Variants in DNAH8 observed in about 807,000 individuals in gnomAD.
DNAH8 encodes the protein axonemal beta dynein heavy chain 8.
In DNAH8, 382 loss-of-function variants were observed where a neutral mutation model predicts 562.1. The observed-to-expected ratio is 0.68, with a 90% CI of 0.63 to 0.74. The LOEUF (loss-of-function observed/expected upper bound fraction) is 0.74. DNAH8 is among the 30% of genes least tolerant of loss of function. DNAH8 has a pLI of 0.00. For synonymous variants in DNAH8, 1,881 were observed against 1,919.4 expected (o/e 0.98, Z 0.52); for missense variants, 5,203 against 5,620.4 (o/e 0.93, Z 2.37).
At chr6:38,829,770 C>G (rs1773671531) in intron 30 of DNAH8, among the ~76,000 whole-genome samples, 1 of 152,146 alleles carries the variant, frequency 6.6e-6, no homozygotes, top group Non-Finnish European at 1.5e-5. Context: ...AAAATAGTGG[C>G]AAAATGCATG....
intron 9 of DNAH8, among the ~76,000 whole-genome samples, chr6:38,753,387 C>T (rs1765635427): frequency 6.6e-6 from 1 of 152,138 alleles, no homozygotes; most frequent in Admixed American, 6.5e-5. Flanking sequence ...TTACATGTCA[C>T]AAGCATTTCA....
intron 26 of DNAH8, among the ~76,000 whole-genome samples, chr6:38,817,675 T>C (rs1772410532): frequency 6.6e-6 from 1 of 152,114 alleles, no homozygotes; most frequent in Admixed American, 6.6e-5. Context: ...AGGAGAGTGG[T>C]CTGAAGCAAA....
intron 79 of DNAH8, among the ~76,000 whole-genome samples, chr6:38,944,919 C>A (rs1015150929): frequency 4.0e-5 from 6 of 151,592 alleles, no homozygotes; most frequent in African/African-American, 1.5e-4. Flanking sequence ...CTCTTTTTAT[C>A]CCTGGCCTAT....
At chr6:38,919,094 A>G (rs1055061085) in intron 70 of DNAH8, among the ~76,000 whole-genome samples, 6 of 152,000 alleles carry the variant, frequency 3.9e-5, no homozygotes, top group African/African-American at 1.4e-4. Context: ...AATTCAAGAA[A>G]AAAAAGAAAA....
chr6:38,834,619 G>T lies in DNAH8; in HGVS notation c.4343G>T (p.Ser1448Ile), dbSNP rs753676877. The part of the protein sequence containing the change: ...MVPNIPPQEA[S>I]NRLQIFQASF... ...CCAAATATACCACCCCAAGAAGCTA[G>T]CAACAGGCTACAGATATTTCAGGTG... is the stretch of plus-strand genomic sequence containing the variant. The change falls in exon 32 of 93, where the codon AGC becomes ATC. Residue 1448 changes from serine (S) to isoleucine (I), a missense_variant. Transcript: ENST00000327475. The T allele has an allele frequency of 6.2e-7, 1 of 1,607,810 alleles. No individual in the cohort carries two copies. Among genetic ancestry groups the T allele is most frequent in the Non-Finnish European group, 8.5e-7 (1 of 1,176,942 alleles).
intron 49 of DNAH8, among the ~76,000 whole-genome samples, chr6:38,871,905 A>G (rs1269844717): frequency 2.6e-5 from 4 of 152,178 alleles, no homozygotes; most frequent in African/African-American, 9.7e-5. Flanking sequence ...AGGTGGAGCA[A>G]TCTTTGAGGT....
chr6:39,021,874 C>G (rs976631270), intron 91 of DNAH8, among the ~76,000 whole-genome samples: 6 of 152,234 alleles, frequency 3.9e-5, no homozygotes, highest in African/African-American at 1.4e-4. Context: ...GAAGAGCAAT[C>G]TTCCTGATTA....
At chr6:38,984,861 C>T (rs552574392) in intron 87 of DNAH8, among the ~76,000 whole-genome samples, 25 of 152,288 alleles carry the variant, frequency 1.6e-4, no homozygotes, top group African/African-American at 5.5e-4. Context: ...GTGGTCAGTT[C>T]TCATTGCTCT....
At position 38,938,134 on chromosome 6, in the gene DNAH8, C is replaced by G; in HGVS notation, c.11724C>G (p.Leu3908=). 1 of 1,614,124 alleles carries G rather than the reference C, an allele frequency of 6.2e-7. No individual in the cohort carries two copies. Among genetic ancestry groups the G allele is most frequent in the Non-Finnish European group, 8.5e-7 (1 of 1,180,026 alleles). ...CCGCAGCCACCCGCGGAAGCATCCT[C>G]TACTTCCTCATCACAGAGATGAGCA... The part of the protein sequence containing the change: ...FRPAATRGSI[L]YFLITEMSMV... The change falls in exon 78 of 93, where the codon CTC becomes CTG. Residue 3908 remains leucine, a synonymous_variant. Coordinates refer to ENST00000327475, the MANE Select transcript of DNAH8 (RefSeq NM_001206927.2).
Position 38,781,306 on chromosome 6 carries a change from T to C in DNAH8, c.2192T>C (p.Ile731Thr). ...CCTCTTGCTCGCAACATGCCCCCTA[T>C]AGCAGGAAAAATACTCTGGGTGAGG... ...DPPLARNMPP[I>T]AGKILWVRQL... Residue 731 changes from isoleucine (I) to threonine (T), a missense_variant, in exon 16 of 93, where the codon ATA becomes ACA. Physicochemically the swap from Ile to Thr is moderately conservative, Grantham distance 89. Coordinates refer to ENST00000327475, the MANE Select transcript of DNAH8 (RefSeq NM_001206927.2). 2 of 1,613,870 alleles carry C rather than the reference T, an allele frequency of 1.2e-6. No individual in the cohort carries two copies. The highest frequency in any genetic ancestry group is 1.7e-6 in the Non-Finnish European group (2 of 1,179,882).
In DNAH8 at chr6:38,783,065, TCTC is replaced by T; in HGVS notation, c.2324_2326del (p.Ser775del). 1.2e-6 allele frequency: 2 copies of T among 1,613,970 alleles called. No homozygotes were observed. Among genetic ancestry groups the T allele is most frequent in the Non-Finnish European group, 1.7e-6 (2 of 1,179,878 alleles). ...GCTGTCATCCGTCAGTATAACAAGATCTCCTATGTGCTGGTGGAATTCGAGGTG... is the reference window on the plus strand; with the variant it reads ...GCTGTCATCCGTCAGTATAACAAGATCTATGTGCTGGTGGAATTCGAGGTG... On this transcript the variant is annotated inframe_deletion, in exon 17 of 93. Transcript: ENST00000327475.
chr6:38,743,699 T>G (rs953371217), intron 8 of DNAH8, among the ~76,000 whole-genome samples: 6 of 152,256 alleles, frequency 3.9e-5, no homozygotes, highest in Non-Finnish European at 8.8e-5. Context: ...GTAGCCTGTA[T>G]CAGTATGTCA....
chr6:38,860,634 G>A lies in DNAH8; in HGVS notation c.6131+5G>A. 1 of 1,499,126 alleles carries A rather than the reference G, an allele frequency of 6.7e-7. No individual in the cohort carries two copies. The highest frequency in any genetic ancestry group is 2.8e-5 in the Admixed American group (1 of 35,722). 92.9% of individuals were successfully genotyped at this position (1,499,126 alleles called of 1,614,324 possible). A position where few individuals can be genotyped will look rare whatever the true frequency, so the allele number is the denominator to read the frequency against. Reference sequence around the variant, plus strand: ...TATCACTCCATTAACAGATAGGTAGGAAACCCAGTTTTCGTTTTTTATTTT... The same window carrying A: ...TATCACTCCATTAACAGATAGGTAGAAAACCCAGTTTTCGTTTTTTATTTT... On this transcript the variant is annotated splice_donor_5th_base_variant and intron_variant, in intron 43 of 92. Transcript: ENST00000327475.
rs769934728 is a variant in DNAH8, at chr6:38,803,184, C to G, written c.2907C>G (p.Tyr969Ter). 6.3e-7 allele frequency: 1 copy of G among 1,592,132 alleles called. No homozygotes were observed. Among genetic ancestry groups the G allele is most frequent in the African/African-American group, 1.4e-5 (1 of 74,036 alleles). ...GTCATTTCTTTATTTAACAGACATA[C>G]ACAAAAGAATGGGCTGACATTCTAA... ...VEDMLTLNETYTKEWADILNH... is the reference protein window; with the variant it reads ...VEDMLTLNET The change falls in exon 22 of 93, where the codon TAC becomes TAG. Residue 969 changes from tyrosine (Y) to a stop codon, truncating the protein, a stop_gained. Coordinates refer to ENST00000327475, the MANE Select transcript of DNAH8 (RefSeq NM_001206927.2). LOFTEE classifies it high-confidence loss of function.
At chr6:38,919,005 A>G (rs971887399) in intron 70 of DNAH8, among the ~76,000 whole-genome samples, 11 of 152,164 alleles carry the variant, frequency 7.2e-5, no homozygotes, top group Admixed American at 1.3e-4. Context: ...AAGTTTTAAC[A>G]AAGAGAAATG....
At chr6:38,719,171 C>CT (rs1762558767) in intron 1 of DNAH8, among the ~76,000 whole-genome samples, 1 of 152,162 alleles carries the variant, frequency 6.6e-6, no homozygotes, top group Admixed American at 6.5e-5. Flanking sequence ...TCAGGCAAGA[C>CT]ATCTAGGGGG....
intron 40 of DNAH8, 35 bp from the exon 41 acceptor site, chr6:38,853,151 T>A (rs1405600413): frequency 6.4e-7 from 1 of 1,555,266 alleles, no homozygotes; most frequent in African/African-American, 1.4e-5. Flanking sequence ...GCCAAATTAT[T>A]ATCAATTTAT....
At chr6:38,738,630 A>G (rs1159746182) in intron 7 of DNAH8, among the ~76,000 whole-genome samples, 1 of 152,220 alleles carries the variant, frequency 6.6e-6, no homozygotes, top group Admixed American at 6.5e-5. Flanking sequence ...AGAACTAAAC[A>G]AGAAAATCTT....
chr6:38,776,779 A>C (rs1768121332), intron 13 of DNAH8, among the ~76,000 whole-genome samples: 2 of 152,208 alleles, frequency 1.3e-5, no homozygotes, highest in South Asian at 4.1e-4. Flanking sequence ...AGTATGTCAG[A>C]TGAGACTGTA....
Sources: gnomAD v4.1 joint callset for allele counts (sites outside exome capture counted in the v4.1 genomes callset) on GRCh38, gnomAD v4.1.1 for gene constraint, MANE v1.5 for transcripts, NCBI Gene and HGNC (gene_info 2026-07-23, HGNC 2026-07-21) for gene names.